RUNDC3B: variants seen among roughly 807,000 people sequenced by gnomAD.
The protein encoded by RUNDC3B is RUN domain-containing protein 3B.
In RUNDC3B, 33 loss-of-function variants were observed where a neutral mutation model predicts 58.4. The observed-to-expected ratio is 0.56, with a 90% CI of 0.43 to 0.75. The LOEUF (loss-of-function observed/expected upper bound fraction) is 0.75. Among genes scored for constraint, RUNDC3B ranks in the 30% least tolerant of loss-of-function variants. RUNDC3B has a pLI of 0.00. For missense variants in RUNDC3B, 501 were observed against 535.7 expected, an observed-to-expected ratio of 0.94 and a Z score of 0.64; for synonymous variants, 193 against 195.2, an observed-to-expected ratio of 0.99 and a Z score of 0.10.
intron 1 of RUNDC3B, among the ~76,000 whole-genome samples, chr7:87,629,588 G>A (rs557496812): frequency 6.6e-5 from 10 of 152,090 alleles, no homozygotes; most frequent in African/African-American, 2.4e-4. Context: ...CTTTATAACT[G>A]TAAATGTAGT....
chr7:87,736,879 A>ATTT (rs1563173208), intron 4 of RUNDC3B, among the ~76,000 whole-genome samples: 1 of 35,776 alleles, frequency 2.8e-5, no homozygotes, highest in African/African-American at 1.4e-4. Flanking sequence ...ATATATATAT[A>ATTT]TATATATATA....
At chr7:87,815,621 T>C (rs2130949538) in intron 9 of RUNDC3B, among the ~76,000 whole-genome samples, 1 of 152,234 alleles carries the variant, frequency 6.6e-6, no homozygotes, top group East Asian at 1.9e-4. Flanking sequence ...AAACAGGTAT[T>C]TTATTACCCA....
chr7:87,647,183 T>G (rs540517313), intron 1 of RUNDC3B, among the ~76,000 whole-genome samples: 193 of 152,282 alleles, frequency 1.3e-3, no homozygotes, highest in African/African-American at 4.2e-3. Context: ...TGCCATAGGG[T>G]GGCATTTCTG....
intron 4 of RUNDC3B, among the ~76,000 whole-genome samples, chr7:87,737,469 A>T (rs1832054393): frequency 6.6e-6 from 1 of 152,128 alleles, no homozygotes; most frequent in East Asian, 1.9e-4. Flanking sequence ...TGCATAAGAG[A>T]AGAAATTAAT....
chr7:87,745,893 G>A (rs117860181), intron 6 of RUNDC3B, among the ~76,000 whole-genome samples: 2,356 of 152,168 alleles, frequency 0.015, 25 homozygotes, highest in Non-Finnish European at 0.026. Context: ...CATGACCTTA[G>A]AACGTCAGTT....
chr7:87,688,790 T>C (rs1827730192), intron 2 of RUNDC3B, among the ~76,000 whole-genome samples: 1 of 151,992 alleles, frequency 6.6e-6, no homozygotes, highest in Non-Finnish European at 1.5e-5. Context: ...TCTGTTTGAG[T>C]CATATTATTG....
At chr7:87,710,532 A>G in intron 3 of RUNDC3B, 38 bp from the exon 4 acceptor site, 1 of 1,293,810 alleles carries the variant, frequency 7.7e-7, no homozygotes, top group Non-Finnish European at 1.1e-6. Context: ...ATATTTTTTT[A>G]ATTTTTTTTA....
chr7:87,817,205 A>G (rs1179713015), intron 10 of RUNDC3B, among the ~76,000 whole-genome samples: 1 of 152,162 alleles, frequency 6.6e-6, no homozygotes, highest in African/African-American at 2.4e-5. Context: ...CAATTTATAA[A>G]CAAGTCCTGT....
At chr7:87,793,659 TG>T (rs1835651271) in intron 8 of RUNDC3B, among the ~76,000 whole-genome samples, 1 of 152,076 alleles carries the variant, frequency 6.6e-6, no homozygotes, top group African/African-American at 2.4e-5. Context: ...CTCAAAAAAC[TG>T]AGTTTTTTTT....
Position 87,700,536 on chromosome 7 carries a change from C to T in RUNDC3B, c.354C>T (p.Val118=). 6.2e-7 allele frequency: 1 copy of T among 1,612,438 alleles called. No individual in the cohort carries two copies. Among genetic ancestry groups the T allele is most frequent in the Non-Finnish European group, 8.5e-7 (1 of 1,179,518 alleles). ...GCAGCATTGAAAATATGGAAAATGT[C>T]AGTTCTTCTAGAGCTAAGGTAAGAC... ...CICSIENMEN[V]SSSRAKGRAW... The change falls in exon 3 of 11, where the codon GTC becomes GTT. Residue 118 remains valine (V), a synonymous_variant. Transcript: ENST00000394654.
chr7:87,733,901 C>T (rs117735459), intron 4 of RUNDC3B, among the ~76,000 whole-genome samples: 2,164 of 152,138 alleles, frequency 0.014, 24 homozygotes, highest in Non-Finnish European at 0.023. Flanking sequence ...GGGACCCCTG[C>T]GATAAGGGTT....
At chr7:87,700,334 A>G (rs2130691690) in intron 2 of RUNDC3B, 87 bp from the exon 3 acceptor site, 1 of 1,191,802 alleles carries the variant, frequency 8.4e-7, no homozygotes, top group South Asian at 1.6e-5. Flanking sequence ...TATTACCTTT[A>G]TTTTTCAGAA....
chr7:87,821,311 T>C (rs1038614053), intron 10 of RUNDC3B, among the ~76,000 whole-genome samples: 19 of 151,988 alleles, frequency 1.3e-4, no homozygotes, highest in African/African-American at 4.6e-4. Context: ...GAGAATAAAA[T>C]ACTTAGGAAT....
chr7:87,798,997 AG>A (rs1338692504), intron 8 of RUNDC3B, among the ~76,000 whole-genome samples: 2 of 152,356 alleles, frequency 1.3e-5, no homozygotes, highest in East Asian at 3.9e-4. Context: ...ACACGAATGA[AG>A]AACATTGTAA....
chr7:87,695,634 T>A (rs1355239053), intron 2 of RUNDC3B, among the ~76,000 whole-genome samples: 1 of 152,122 alleles, frequency 6.6e-6, no homozygotes, highest in African/African-American at 2.4e-5. Flanking sequence ...GTGAAATCAG[T>A]TTATCATTCA....
chr7:87,772,476 A>G (rs1200399658), intron 7 of RUNDC3B, among the ~76,000 whole-genome samples: 5 of 152,228 alleles, frequency 3.3e-5, no homozygotes, highest in Non-Finnish European at 7.3e-5. Context: ...ATATGATGAA[A>G]TAATTAGAAA....
At chr7:87,663,052 G>A (rs1168625651) in intron 2 of RUNDC3B, among the ~76,000 whole-genome samples, 1 of 151,968 alleles carries the variant, frequency 6.6e-6, no homozygotes, top group South Asian at 2.1e-4. Flanking sequence ...TTCACTGTTG[G>A]CATATAGGAA....
At chr7:87,629,419 T>A (rs1820975861) in intron 1 of RUNDC3B, 4 of 152,924 alleles carry the variant, frequency 2.6e-5, no homozygotes, top group Admixed American at 2.6e-4. Context: ...GTTGAGTGCC[T>A]ACTACATGCC....
chr7:87,677,923 A>G (rs1450189743), intron 2 of RUNDC3B, among the ~76,000 whole-genome samples: 1 of 152,234 alleles, frequency 6.6e-6, no homozygotes, highest in Non-Finnish European at 1.5e-5. Flanking sequence ...AAGCACTGCT[A>G]ACCCAGAATT....
Sources: gnomAD v4.1 joint callset for allele counts (sites outside exome capture counted in the v4.1 genomes callset) on GRCh38, gnomAD v4.1.1 for gene constraint, MANE v1.5 for transcripts, NCBI Gene and HGNC (gene_info 2026-07-23, HGNC 2026-07-21) for gene names.